Variants in AGK observed in about 807,000 individuals in gnomAD.
AGK encodes acylglycerol kinase, mitochondrial.
AGK carries 52 observed loss-of-function variants against 66.4 expected under a neutral mutation model. The observed-to-expected ratio is 0.78, with a 90% CI of 0.63 to 0.99. The LOEUF (loss-of-function observed/expected upper bound fraction) is 0.99. Among genes scored for constraint, AGK ranks in the 50% least tolerant of loss-of-function variants. The probability of loss-of-function intolerance (pLI) is 0.00; values close to 1 mark genes in which losing one functional copy is unlikely to be tolerated. For synonymous variants in AGK, 182 were observed against 181.1 expected (o/e 1.00, Z -0.04); for missense variants, 451 against 506.6 (o/e 0.89, Z 1.05).
intron 2 of AGK, among the ~76,000 whole-genome samples, chr7:141,587,203 C>G (rs762571566): frequency 2.0e-5 from 3 of 152,164 alleles, no homozygotes; most frequent in Non-Finnish European, 4.4e-5. Context: ...ACCAGCCATC[C>G]CTCAAATTTA....
chr7:141,650,707 A>G, intron 14 of AGK: 1 of 983,626 alleles, frequency 1.0e-6, no homozygotes, highest in Non-Finnish European at 1.2e-6. Context: ...TCACTCAGTC[A>G]AGGTAGATAT....
intron 11 of AGK, among the ~76,000 whole-genome samples, chr7:141,640,835 T>C (rs1306675979): frequency 6.6e-6 from 1 of 152,182 alleles, no homozygotes; most frequent in African/African-American, 2.4e-5. Context: ...GGCTAAACCA[T>C]TCTGGCCTGT....
intron 2 of AGK, chr7:141,562,235 C>T: frequency 2.2e-6 from 1 of 452,804 alleles, no homozygotes; most frequent in South Asian, 1.6e-5. Flanking sequence ...TTTTCTCCTT[C>T]TCGGGAGCAG....
intron 1 of AGK, among the ~76,000 whole-genome samples, chr7:141,552,334 T>C (rs1795110339): frequency 1.3e-5 from 2 of 152,332 alleles, no homozygotes; most frequent in Middle Eastern, 3.4e-3. Flanking sequence ...ATAGCCAAAG[T>C]CCTTAGTGTG....
chr7:141,606,456 A>G (rs1483087765), intron 5 of AGK, among the ~76,000 whole-genome samples: 1 of 152,170 alleles, frequency 6.6e-6, no homozygotes, highest in Admixed American at 6.5e-5. Flanking sequence ...CTTGTTTGCT[A>G]TGTACCATCA....
At chr7:141,635,013 A>G (rs952366637) in intron 10 of AGK, among the ~76,000 whole-genome samples, 2 of 152,126 alleles carry the variant, frequency 1.3e-5, no homozygotes, top group Non-Finnish European at 2.9e-5. Context: ...TCTACAAATT[A>G]CCTTGTGTTT....
At chr7:141,646,894 C>T (rs1797424068) in intron 13 of AGK, among the ~76,000 whole-genome samples, 1 of 152,164 alleles carries the variant, frequency 6.6e-6, no homozygotes. Flanking sequence ...AAAATGTTTC[C>T]CGACCCTGTT....
At position 141,609,116 on chromosome 7, in the gene AGK, T is replaced by C. The variant is rs114676266; in HGVS notation, c.298-2079T>C. On this transcript the variant is annotated intron_variant, in intron 5 of 15. Transcript: ENST00000649286. Reference sequence around the variant, plus strand: ...TGGTAGTATTTTAAGGAGTCTTCCTTTTTCCTCTGTGTTCACTGTGAATTA... The same window carrying C: ...TGGTAGTATTTTAAGGAGTCTTCCTCTTTCCTCTGTGTTCACTGTGAATTA... 2.6e-3 allele frequency among the ~76,000 whole-genome samples: 396 copies of C among 152,318 alleles called. 1 individual carries two copies. Among genetic ancestry groups the C allele is most frequent in the African/African-American group, 9.2e-3 (381 of 41,568 alleles).
chr7:141,650,825 T>A (rs1029294549), intron 14 of AGK: 9 of 247,388 alleles, frequency 3.6e-5, no homozygotes, highest in Non-Finnish European at 5.2e-5. Context: ...GTCAAGCCCC[T>A]TCTATATAGT....
intron 2 of AGK, among the ~76,000 whole-genome samples, chr7:141,584,294 G>A (rs1312341699): frequency 9.9e-5 from 15 of 152,114 alleles, no homozygotes; most frequent in Admixed American, 9.8e-4. Context: ...CCAGGAGAAG[G>A]AATTTCACAA....
chr7:141,602,197 G>A (rs1321417171), intron 5 of AGK, among the ~76,000 whole-genome samples: 1 of 151,270 alleles, frequency 6.6e-6, no homozygotes, highest in Non-Finnish European at 1.5e-5. Flanking sequence ...GTGTGTGTGT[G>A]TGTGTGTGTG....
Position 141,596,608 on chromosome 7 carries a change from C to G in AGK, c.188C>G (p.Ala63Gly), listed in dbSNP as rs1017013577. The G allele has an allele frequency of 1.2e-6, 2 of 1,613,848 alleles. No homozygotes were observed. The highest frequency in any genetic ancestry group is 2.7e-5 in the African/African-American group (2 of 74,878). Residue 63 changes from alanine to glycine, a missense_variant, in exon 4 of 16, where the codon GCC (alanine) becomes GGC (glycine). By Grantham distance (60) the Ala-to-Gly change is moderately conservative (BLOSUM62 0). Coordinates refer to ENST00000649286, the MANE Select transcript of AGK (RefSeq NM_018238.4). ...LIPPNAQVKK[A>G]TVFLNPAACK... ...CCTCCCAATGCACAAGTGAAGAAGG[C>G]CACTGTTTTTCTCAATCCTGCAGCT...
rs968886144 is a variant in AGK at position 141,551,418 on chromosome 7, G to A, written c.-31G>A. 1 of 152,646 alleles carries A rather than the reference G, an allele frequency of 6.6e-6. No individual in the cohort carries two copies. The highest frequency in any genetic ancestry group is 1.9e-4 in the East Asian group (1 of 5,170). The allele number at this position is 152,646 out of a possible 1,614,324, so 9.5% of individuals were successfully genotyped here. On this transcript the variant is annotated 5_prime_UTR_variant, in exon 1 of 16. Coordinates refer to ENST00000649286, the MANE Select transcript of AGK (RefSeq NM_018238.4). Reference sequence around the variant, plus strand: ...GAGCACACAGGAAAGGCAGAGCCGCGAGCTGGACCAGCCGTGGTGAGTGCA... The same window carrying A: ...GAGCACACAGGAAAGGCAGAGCCGCAAGCTGGACCAGCCGTGGTGAGTGCA...
chr7:141,627,702 T>A (rs1271675491), intron 9 of AGK, among the ~76,000 whole-genome samples: 2 of 152,204 alleles, frequency 1.3e-5, no homozygotes, highest in Admixed American at 1.3e-4. Context: ...TATGCTGAAA[T>A]TTCAGCCTAA....
intron 5 of AGK, among the ~76,000 whole-genome samples, chr7:141,607,038 A>T (rs922845528): frequency 1.7e-4 from 26 of 152,238 alleles, no homozygotes; most frequent in Middle Eastern, 3.4e-3. Context: ...TGAATGTGCT[A>T]CAGTTTATCC....
chr7:141,641,147 C>T (rs1797278059), intron 11 of AGK, 101 bp from the exon 12 acceptor site: 1 of 1,081,370 alleles, frequency 9.2e-7, no homozygotes, highest in Non-Finnish European at 1.3e-6. Flanking sequence ...AGTTCACTTT[C>T]TAGCAGGTAT....
intron 5 of AGK, among the ~76,000 whole-genome samples, chr7:141,605,906 T>C (rs1450504272): frequency 1.3e-5 from 2 of 152,200 alleles, no homozygotes; most frequent in Non-Finnish European, 2.9e-5. Flanking sequence ...ATTAGAATAT[T>C]CTTCCTAATT....
At chr7:141,620,827 C>T (rs1013605324) in intron 8 of AGK, among the ~76,000 whole-genome samples, 6 of 152,204 alleles carry the variant, frequency 3.9e-5, no homozygotes, top group African/African-American at 1.4e-4. Flanking sequence ...AAATATGCCA[C>T]AGTATTCTGT....
chr7:141,598,007 C>G lies in AGK; in HGVS notation c.221+1366C>G, dbSNP rs1331967316. The stretch of plus-strand genomic sequence containing the variant: ...GACATTAAGGTAATAAGAACAACAA[C>G]AAGAAAGATAGTTTGGGCTGAATTG... On this transcript the variant is annotated intron_variant, in intron 4 of 15. Transcript: ENST00000649286. This position sits in a 1 kb window ranked among gnomAD's most constrained non-coding sequence, Gnocchi z 4.2. Among the ~76,000 whole-genome samples the G allele has an allele frequency of 3.4e-5, 5 of 146,202 alleles. No homozygotes were observed. In the East Asian group the frequency reaches 1.0e-3, roughly 29 times the overall value.
Sources: gnomAD v4.1 joint callset for allele counts (sites outside exome capture counted in the v4.1 genomes callset) on GRCh38, gnomAD v4.1.1 for gene constraint, Gnocchi (gnomAD v3.1) non-coding constraint, MANE v1.5 for transcripts, NCBI Gene and HGNC (gene_info 2026-07-23, HGNC 2026-07-21) for gene names.